Variants in PARD3B observed in about 807,000 individuals in gnomAD.
PARD3B encodes par-3 family cell polarity regulator beta.
PARD3B carries 103 observed loss-of-function variants against 130.2 expected under a neutral mutation model. That is an observed-to-expected ratio of 0.79 (90% CI 0.67 to 0.93). PARD3B has a LOEUF of 0.93. Ranked by LOEUF, PARD3B falls within the 40% of genes least tolerant of loss-of-function variation. The pLI is 0.00. For synonymous variants in PARD3B, 583 were observed against 553.2 expected, an observed-to-expected ratio of 1.05 and a Z score of -0.76; for missense variants, 1,609 against 1,499.2, an observed-to-expected ratio of 1.07 and a Z score of -1.21.
chr2:205,491,025 G>C (rs1229295133), intron 20 of PARD3B, among the ~76,000 whole-genome samples: 1 of 152,146 alleles, frequency 6.6e-6, no homozygotes, highest in Non-Finnish European at 1.5e-5. Context: ...CAGATGAGTA[G>C]ATTGCAAAAA....
chr2:205,574,249 T>C (rs914967445), intron 22 of PARD3B, among the ~76,000 whole-genome samples: 4 of 152,174 alleles, frequency 2.6e-5, no homozygotes, highest in African/African-American at 9.6e-5. Context: ...AGTCGAAAGT[T>C]TGTAGATTGC....
At chr2:204,751,384 G>T (rs2040460781) in intron 2 of PARD3B, among the ~76,000 whole-genome samples, 1 of 152,180 alleles carries the variant, frequency 6.6e-6, no homozygotes, top group Non-Finnish European at 1.5e-5. Flanking sequence ...GAAGGTGTTG[G>T]ATTCTCTCCT....
At chr2:204,632,105 C>T (rs2034698812) in intron 1 of PARD3B, among the ~76,000 whole-genome samples, 1 of 152,030 alleles carries the variant, frequency 6.6e-6, no homozygotes, top group Non-Finnish European at 1.5e-5. Context: ...TAAAGAGCAC[C>T]ATCCCCTCGT....
rs1273794017 is a variant in PARD3B at position 205,458,241 on chromosome 2, GT to G, written c.3044+17572del. Among the ~76,000 whole-genome samples, 2 of 152,012 alleles carry G rather than the reference GT, an allele frequency of 1.3e-5. No individual in the cohort carries two copies. The highest frequency in any genetic ancestry group is 6.6e-5 in the Admixed American group (1 of 15,228). On this transcript the variant is annotated intron_variant, in intron 20 of 22. Transcript: ENST00000406610. The surrounding 1 kb of genome is among the most constrained non-coding windows in gnomAD (Gnocchi z 4.8). ...CAGCTGGTCACACCTCTTCAGAATT[GT>G]TTCTGTTCCCTCCTGCTCCTCTTCC...
At chr2:205,248,420 CA>C (rs2039668755) in intron 16 of PARD3B, among the ~76,000 whole-genome samples, 4 of 145,766 alleles carry the variant, frequency 2.7e-5, no homozygotes, top group African/African-American at 1.1e-4. Flanking sequence ...GTGGTGGCGG[CA>C]GCAGCAGCAG....
At chr2:205,427,661 T>G (rs1410822436) in intron 19 of PARD3B, among the ~76,000 whole-genome samples, 3 of 152,314 alleles carry the variant, frequency 2.0e-5, no homozygotes, top group African/African-American at 4.8e-5. Flanking sequence ...AAATGAAAGC[T>G]ATATATTATA....
chr2:205,019,319 A>G (rs1374669427), intron 3 of PARD3B, among the ~76,000 whole-genome samples: 1 of 151,976 alleles, frequency 6.6e-6, no homozygotes, highest in Non-Finnish European at 1.5e-5. Flanking sequence ...TCAGTACTTT[A>G]TTTTCTTTTT....
Position 205,229,266 on chromosome 2 carries a change from C to T in PARD3B, c.2141-16512C>T, listed in dbSNP as rs1296734493. Among the ~76,000 whole-genome samples the T allele has an allele frequency of 6.6e-6, 1 of 152,134 alleles. No individual in the cohort carries two copies. The highest frequency in any genetic ancestry group is 1.5e-5 in the Non-Finnish European group (1 of 68,036). On this transcript the variant is annotated intron_variant, in intron 15 of 22. Transcript: ENST00000406610. This position sits in a 1 kb window ranked among gnomAD's most constrained non-coding sequence, Gnocchi z 5.2. ...CATCCTTCTTGGGAAGGTTTTAAAT[C>T]GGTTCTTGGGGTCATCAATTCCACG...
chr2:205,179,757 C>T (rs908395882), intron 13 of PARD3B, among the ~76,000 whole-genome samples: 3 of 152,074 alleles, frequency 2.0e-5, no homozygotes, highest in Non-Finnish European at 4.4e-5. Flanking sequence ...CATTGAGATA[C>T]TTAAGTAAAT....
At chr2:205,145,833 A>AC (rs1409287844) in intron 10 of PARD3B, among the ~76,000 whole-genome samples, 1 of 151,822 alleles carries the variant, frequency 6.6e-6, no homozygotes, top group East Asian at 1.9e-4. Context: ...CAAAAAAAAA[A>AC]AAAAAAACAC....
At position 205,615,945 on chromosome 2, in the gene PARD3B, G is replaced by A; in HGVS notation, c.*132G>A. 1.3e-6 allele frequency: 1 copy of A among 790,268 alleles called. No individual in the cohort carries two copies. 49.0% of individuals were successfully genotyped at this position (790,268 alleles called of 1,614,324 possible). A position where few individuals can be genotyped will look rare whatever the true frequency, so the allele number is the denominator to read the frequency against. On this transcript the variant is annotated 3_prime_UTR_variant, in exon 23 of 23. Transcript: ENST00000406610. ...TGATAAGCTTTTTCTCACTGACATT[G>A]TAACGCATGACTGCTAATCAGAGAG... is the stretch of plus-strand genomic sequence containing the variant.
At chr2:204,929,619 A>T (rs1274080526) in intron 2 of PARD3B, among the ~76,000 whole-genome samples, 1 of 152,056 alleles carries the variant, frequency 6.6e-6, no homozygotes, top group African/African-American at 2.4e-5. Context: ...ATGTAAATTG[A>T]ATAATTTTTT....
intron 18 of PARD3B, among the ~76,000 whole-genome samples, chr2:205,332,931 A>G (rs568589753): frequency 7.2e-4 from 109 of 152,222 alleles, no homozygotes; most frequent in Non-Finnish European, 1.3e-3. Context: ...TTAGTGATTC[A>G]TTCCTTAGCT....
intron 18 of PARD3B, among the ~76,000 whole-genome samples, chr2:205,317,014 A>G (rs977089049): frequency 3.1e-4 from 47 of 152,200 alleles, no homozygotes; most frequent in African/African-American, 1.1e-3. Flanking sequence ...TCTTTTCATT[A>G]TACTCAAAAT....
rs1433078622 is a variant in PARD3B at position 205,617,559 on chromosome 2, T to C, written c.*1746T>C. The C allele has an allele frequency of 2.0e-5, 3 of 152,198 alleles. No homozygotes were observed. The highest frequency in any genetic ancestry group is 4.8e-5 in the African/African-American group (2 of 41,452). 9.4% of individuals were successfully genotyped at this position (152,198 alleles called of 1,614,324 possible). On this transcript the variant is annotated 3_prime_UTR_variant, in exon 23 of 23. Coordinates refer to ENST00000406610, the MANE Select transcript of PARD3B (RefSeq NM_001302769.2). The stretch of plus-strand genomic sequence containing the variant: ...GTAAATAGTGTTATTTACTGGACTT[T>C]GTGATATTATTTTCTTAACTACACT...
At chr2:204,597,189 T>C (rs937689379) in intron 1 of PARD3B, among the ~76,000 whole-genome samples, 1 of 152,106 alleles carries the variant, frequency 6.6e-6, no homozygotes, top group African/African-American at 2.4e-5. Context: ...TCCATTGTTC[T>C]GTGTAATGCT....
chr2:204,695,882 G>C (rs1366521431), intron 2 of PARD3B, among the ~76,000 whole-genome samples: 1 of 151,920 alleles, frequency 6.6e-6, no homozygotes, highest in East Asian at 1.9e-4. Flanking sequence ...GAGAGTATAG[G>C]GAGAAGTAGT....
At chr2:204,835,768 G>A (rs1358304556) in intron 2 of PARD3B, among the ~76,000 whole-genome samples, 1 of 152,220 alleles carries the variant, frequency 6.6e-6, no homozygotes, top group Non-Finnish European at 1.5e-5. Flanking sequence ...TATGTGGCGT[G>A]ATCCTCACAT....
intron 2 of PARD3B, among the ~76,000 whole-genome samples, chr2:204,762,755 CTTTTTCTT>C (rs775564496): frequency 2.5e-4 from 32 of 126,054 alleles, no homozygotes; most frequent in East Asian, 7.2e-4. Flanking sequence ...TTTTCTTTTT[CTTTTTCTT>C]TTTTTTTTTT....
Sources: gnomAD v4.1 joint callset for allele counts (sites outside exome capture counted in the v4.1 genomes callset) on GRCh38, gnomAD v4.1.1 for gene constraint, Gnocchi (gnomAD v3.1) non-coding constraint, MANE v1.5 for transcripts, NCBI Gene and HGNC (gene_info 2026-07-23, HGNC 2026-07-21) for gene names.